Variants in MGAT4D observed in about 807,000 individuals in gnomAD.
The protein encoded by MGAT4D is MGAT4 family member D, also known as alpha-1,3-mannosyl-glycoprotein 4-beta-N-acetylglucosaminyltransferase-like protein MGAT4D.
In MGAT4D, 34 loss-of-function variants were observed where a neutral mutation model predicts 15.9. The ratio of observed to expected loss-of-function variants is 2.14; its 90% CI spans 1.62 to 2.84. The LOEUF is 2.84. Ranked by LOEUF, MGAT4D falls within the 30% of genes most tolerant of loss-of-function variation. MGAT4D has a pLI of 0.00. For synonymous variants in MGAT4D, 112 were observed against 48.2 expected (o/e 2.33, Z -5.49); for missense variants, 327 against 140.2 (o/e 2.33, Z -6.73).
Position 140,482,441 on chromosome 4 carries a change from C to A in MGAT4D, c.139G>T (p.Glu47Ter), listed in dbSNP as rs1732804709. ...NCRNHILEFK[E>*]NMLHLRNKTE... ...TTGTTTCTTAAGTGTAGCATATTTT[C>A]TTTAAACTCCAAAATATGGTTTCTA... Residue 47 changes from glutamate to a stop codon, truncating the protein, a stop_gained, in exon 2 of 11, where the codon GAA becomes TAA. Transcript: ENST00000511113. LOFTEE classifies it high-confidence loss of function. 1.6e-6 allele frequency: 1 copy of A among 636,632 alleles called. No individual in the cohort carries two copies. Among genetic ancestry groups the A allele is most frequent in the Admixed American group, 2.8e-5 (1 of 35,198 alleles). 39.4% of individuals were successfully genotyped at this position (636,632 alleles called of 1,614,324 possible).
chr4:140,463,796 T>A (rs1053479111), intron 6 of MGAT4D, among the ~76,000 whole-genome samples: 2 of 152,146 alleles, frequency 1.3e-5, no homozygotes, highest in African/African-American at 4.8e-5. Context: ...AAGTTAATGA[T>A]TGCAAGGTTG....
At chr4:140,462,219 T>C (rs911389148) in intron 6 of MGAT4D, among the ~76,000 whole-genome samples, 1 of 152,218 alleles carries the variant, frequency 6.6e-6, no homozygotes, top group African/African-American at 2.4e-5. Context: ...CTACCATTGC[T>C]AAACCAGGAT....
Position 140,443,173 on chromosome 4 carries a change from T to C in MGAT4D, c.*263A>G, listed in dbSNP as rs1310798327. ...GTGATGGTCTCACTATCGAAGTCAA[T>C]AAAGTGCAGTTCTTAATTTAAAAAA... On this transcript the variant is annotated 3_prime_UTR_variant, in exon 11 of 11. Coordinates refer to ENST00000511113, the MANE Select transcript of MGAT4D (RefSeq NM_001277353.2). 5.0e-6 allele frequency: 1 copy of C among 200,236 alleles called. No homozygotes were observed. The highest frequency in any genetic ancestry group is 9.9e-6 in the Non-Finnish European group (1 of 100,874). 12.4% of individuals were successfully genotyped at this position (200,236 alleles called of 1,614,324 possible). A position where few individuals can be genotyped will look rare whatever the true frequency, so the allele number is the denominator to read the frequency against.
intron 5 of MGAT4D, among the ~76,000 whole-genome samples, chr4:140,465,274 G>T (rs941753632): frequency 3.3e-5 from 5 of 152,254 alleles, no homozygotes; most frequent in Middle Eastern, 3.4e-3. Context: ...TTTATAGCCA[G>T]ATGTGTACTC....
intron 6 of MGAT4D, among the ~76,000 whole-genome samples, chr4:140,463,707 T>A (rs1402627969): frequency 6.6e-6 from 1 of 152,160 alleles, no homozygotes; most frequent in Non-Finnish European, 1.5e-5. Flanking sequence ...GTTGGCTATC[T>A]TACAGTAAGT....
chr4:140,495,635 AT>A (rs1733787550), intron 1 of MGAT4D, among the ~76,000 whole-genome samples: 1 of 152,232 alleles, frequency 6.6e-6, no homozygotes, highest in Non-Finnish European at 1.5e-5. Flanking sequence ...GAGCTTGCAT[AT>A]TTGTTCATCA....
intron 10 of MGAT4D, 28 bp from the exon 11 acceptor site, chr4:140,443,472 C>G (rs1729898791): frequency 5.8e-6 from 3 of 520,988 alleles, no homozygotes; most frequent in Non-Finnish European, 6.8e-6. Flanking sequence ...AATGTAACAT[C>G]TAGAAATAAT....
At chr4:140,495,082 CATGAT>C (rs1348264083) in intron 1 of MGAT4D, among the ~76,000 whole-genome samples, 1 of 152,154 alleles carries the variant, frequency 6.6e-6, no homozygotes, top group Non-Finnish European at 1.5e-5. Context: ...CTATGGTCCC[CATGAT>C]ATAATACTTC....
intron 1 of MGAT4D, among the ~76,000 whole-genome samples, chr4:140,486,942 G>A (rs1733176156): frequency 6.6e-6 from 1 of 152,162 alleles, no homozygotes; most frequent in Non-Finnish European, 1.5e-5. Context: ...AATGGATTGT[G>A]TGTTCCGAGT....
intron 3 of MGAT4D, among the ~76,000 whole-genome samples, chr4:140,477,223 C>G (rs1055109216): frequency 6.6e-5 from 10 of 152,298 alleles, no homozygotes; most frequent in African/African-American, 2.4e-4. Context: ...AATTCTTTTG[C>G]CCTTCATGTC....
chr4:140,469,379 A>G (rs1196234826), intron 5 of MGAT4D, among the ~76,000 whole-genome samples: 1 of 152,228 alleles, frequency 6.6e-6, no homozygotes, highest in Non-Finnish European at 1.5e-5. Flanking sequence ...TAATAAGCAC[A>G]ATGGTATTAT....
intron 9 of MGAT4D, 40 bp from the exon 10 acceptor site, chr4:140,451,557 G>C: frequency 2.0e-6 from 1 of 488,172 alleles, no homozygotes; most frequent in Non-Finnish European, 3.7e-6. Context: ...AAAAACCCAG[G>C]TATTGCTTTG....
chr4:140,462,154 T>C (rs1731229855), intron 6 of MGAT4D, 150 bp from the exon 7 acceptor site: 1 of 553,542 alleles, frequency 1.8e-6, no homozygotes, highest in African/African-American at 1.9e-5. Flanking sequence ...TTCAATTAAG[T>C]AAAATTGAAT....
chr4:140,467,031 G>A (rs953375094), intron 5 of MGAT4D, among the ~76,000 whole-genome samples: 1 of 151,928 alleles, frequency 6.6e-6, no homozygotes, highest in East Asian at 1.9e-4. Flanking sequence ...TAAAAACTTG[G>A]GGGGAAAGAA....
At chr4:140,485,810 TAAAAAAAAAAAAAAAAAAAAAAAAA>T (rs61131099) in intron 1 of MGAT4D, among the ~76,000 whole-genome samples, 1 of 13,018 alleles carries the variant, frequency 7.7e-5, no homozygotes, top group Non-Finnish European at 1.4e-4. Flanking sequence ...GACCCTGTCT[TAAAAAAAAAAAAAAAAAAAAAAAAA>T]AAAAAAAAAA....
chr4:140,494,513 A>G (rs1560806283), intron 1 of MGAT4D, among the ~76,000 whole-genome samples: 1 of 152,182 alleles, frequency 6.6e-6, no homozygotes, highest in Non-Finnish European at 1.5e-5. Context: ...ATATGCTAAC[A>G]GTTCTCAACT....
chr4:140,459,460 A>T (rs1731017859), intron 8 of MGAT4D, 52 bp downstream of exon 8: 1 of 407,178 alleles, frequency 2.5e-6, no homozygotes, highest in Non-Finnish European at 4.4e-6. Flanking sequence ...AAAATGTTTT[A>T]AATTATTGTG....
chr4:140,451,515 T>G lies in MGAT4D; in HGVS notation c.1011A>C (p.Arg337Ser). Residue 337 changes from arginine (R) to serine (S), a missense_variant and splice_region_variant, in exon 10 of 11, where the codon AGA becomes AGC. Transcript: ENST00000511113. ...VKVCDAGEDLRNCMKRKKQIR... is the reference protein window; with the variant it reads ...VKVCDAGEDLSNCMKRKKQIR... ...TTTGCTTCTTTCGTTTCATACAGTT[T>G]CTCTGGGGAAAAAGAAACAACAATC... 1 of 543,146 alleles carries G rather than the reference T, an allele frequency of 1.8e-6. No homozygotes were observed. The highest frequency in any genetic ancestry group is 3.4e-6 in the Non-Finnish European group (1 of 298,454). The allele number at this position is 543,146 out of a possible 1,614,324, so 33.6% of individuals were successfully genotyped here.
intron 5 of MGAT4D, among the ~76,000 whole-genome samples, chr4:140,471,276 TTCCTTCCTTC>T (rs1232976105): frequency 6.8e-6 from 1 of 146,434 alleles, no homozygotes; most frequent in Non-Finnish European, 1.5e-5. Context: ...CCTTCCTTCC[TTCCTTCCTTC>T]TCTCTCTTTT....
Sources: allele counts gnomAD v4.1 joint callset (sites outside exome capture counted in the v4.1 genomes callset), GRCh38; gene constraint gnomAD v4.1.1; transcripts MANE v1.5; gene names NCBI Gene and HGNC (gene_info 2026-07-23, HGNC 2026-07-21).